The following SYDE2 variants were observed in gnomAD, a reference collection of about 807,000 sequenced individuals.
SYDE2 encodes the protein rho GTPase-activating protein SYDE2.
SYDE2 carries 76 observed loss-of-function variants against 91.5 expected under a neutral mutation model. That is an observed-to-expected ratio of 0.83 (90% CI 0.69 to 1.01). SYDE2 has a LOEUF of 1.01. Ranked by LOEUF, SYDE2 falls within the 50% of genes least tolerant of loss-of-function variation. The probability of loss-of-function intolerance (pLI) is 0.00; values close to 1 mark genes in which losing one functional copy is unlikely to be tolerated. For missense variants in SYDE2, 1,364 were observed against 1,367.7 expected (o/e 1.00, Z 0.04); for synonymous variants, 513 against 506.4 (o/e 1.01, Z -0.18).
At chr1:85,188,437 T>G (rs1159297270) in intron 2 of SYDE2, among the ~76,000 whole-genome samples, 2 of 152,232 alleles carry the variant, frequency 1.3e-5, no homozygotes, top group African/African-American at 4.8e-5. Context: ...CACATTGTTT[T>G]GGAACTTCCT....
intron 4 of SYDE2, among the ~76,000 whole-genome samples, chr1:85,176,293 TC>T (rs975493237): frequency 6.7e-6 from 1 of 149,214 alleles, no homozygotes; most frequent in African/African-American, 2.6e-5. Flanking sequence ...ATATGCCTCT[TC>T]CTATATAAAA....
chr1:85,160,247 T>G, intron 6 of SYDE2: 1 of 965,464 alleles, frequency 1.0e-6, no homozygotes. Flanking sequence ...AATGCTTGTT[T>G]GCTGTTGTAT....
downstream of SYDE2, chr1:85,152,570 CT>C (rs1467536782): frequency 5.3e-5 from 8 of 152,272 alleles, no homozygotes; most frequent in South Asian, 6.2e-4. Flanking sequence ...AGTACTTAGT[CT>C]TTTCCTAACA....
chr1:85,194,153 A>C (rs1658488989), intron 1 of SYDE2, among the ~76,000 whole-genome samples: 1 of 151,694 alleles, frequency 6.6e-6, no homozygotes, highest in South Asian at 2.1e-4. Flanking sequence ...TTGAGCAATT[A>C]TTTATAATTA....
intron 4 of SYDE2, 37 bp from the exon 5 acceptor site, chr1:85,169,262 C>T: frequency 6.6e-7 from 1 of 1,516,544 alleles, no homozygotes; most frequent in Non-Finnish European, 8.9e-7. Context: ...GGTGATTGGA[C>T]TGCAGAGTGA....
At chr1:85,159,338 C>A in intron 6 of SYDE2, 89 bp from the exon 7 acceptor site, 1 of 691,272 alleles carries the variant, frequency 1.4e-6, no homozygotes, top group Non-Finnish European at 2.6e-6. Context: ...ATTTAATCAT[C>A]AACTACAAAC....
chr1:85,184,464 C>T (rs559292517), intron 2 of SYDE2, among the ~76,000 whole-genome samples: 10 of 152,258 alleles, frequency 6.6e-5, no homozygotes, highest in Admixed American at 3.3e-4. Context: ...GGCACATCAA[C>T]GCAGTTAAAT....
intron 4 of SYDE2, among the ~76,000 whole-genome samples, chr1:85,176,360 T>C (rs1336938618): frequency 6.6e-6 from 1 of 152,096 alleles, no homozygotes; most frequent in Admixed American, 6.5e-5. Context: ...AAAGTGACAG[T>C]TTGTTTTATC....
intron 1 of SYDE2, among the ~76,000 whole-genome samples, chr1:85,193,687 C>T (rs569321081): frequency 5.4e-4 from 82 of 152,162 alleles, no homozygotes; most frequent in African/African-American, 2.0e-3. Context: ...ACAGTGGCAC[C>T]ATTATGGCTC....
At chr1:85,155,150 G>A (rs1656853169), downstream of SYDE2, among the ~76,000 whole-genome samples, 1 of 151,502 alleles carries the variant, frequency 6.6e-6, no homozygotes, top group Non-Finnish European at 1.5e-5. Flanking sequence ...TGATTAAGAA[G>A]CATAAAATGA....
chr1:85,186,635 C>G (rs1658152464), intron 2 of SYDE2, among the ~76,000 whole-genome samples: 1 of 151,802 alleles, frequency 6.6e-6, no homozygotes, highest in African/African-American at 2.4e-5. Flanking sequence ...CTACAGTAAC[C>G]AAAACAGCAT....
Position 85,157,821 on chromosome 1 carries a change from C to A in SYDE2, c.*929G>T, listed in dbSNP as rs1421680660. On this transcript the variant is annotated 3_prime_UTR_variant, in exon 7 of 7. Transcript: ENST00000341460. Reference sequence around the variant, plus strand: ...AAAAATACATGTGATTCTACAATAACCCCTCCCCCATCCTGATATCTATAC... The same window carrying A: ...AAAAATACATGTGATTCTACAATAAACCCTCCCCCATCCTGATATCTATAC... The A allele has an allele frequency of 2.0e-5, 3 of 151,984 alleles. No homozygotes were observed. The highest frequency in any genetic ancestry group is 2.1e-4 in the South Asian group (1 of 4,820). 9.4% of individuals were successfully genotyped at this position (151,984 alleles called of 1,614,324 possible).
At chr1:85,170,172 A>G (rs1014868430) in intron 4 of SYDE2, among the ~76,000 whole-genome samples, 48 of 144,470 alleles carry the variant, frequency 3.3e-4, no homozygotes, top group Non-Finnish European at 5.7e-4. Context: ...AGGCTGGAGT[A>G]CACTGGTAAC....
chr1:85,156,133 G>A (rs761114994), downstream of SYDE2, among the ~76,000 whole-genome samples: 1 of 152,176 alleles, frequency 6.6e-6, no homozygotes, highest in Non-Finnish European at 1.5e-5. Context: ...TAACCTCTAA[G>A]AGGTGAAATT....
In SYDE2 at chr1:85,182,876, A is replaced by C. The variant is rs369524733; in HGVS notation, c.1766T>G (p.Ile589Arg). Residue 589 changes from isoleucine to arginine, a missense_variant, in exon 3 of 7, where the codon ATA becomes AGA. Physicochemically the swap from Ile to Arg is moderately conservative, Grantham distance 97. Transcript: ENST00000341460. ...NTTTAAKRNVISRYHLDTSVS... is the reference protein window; with the variant it reads ...NTTTAAKRNVRSRYHLDTSVS... Reference sequence around the variant, plus strand: ...ACTGGTATCAAGATGGTATCGGCTTATAACATTCCTCTTAGCAGCGGTGGT... The same window carrying C: ...ACTGGTATCAAGATGGTATCGGCTTCTAACATTCCTCTTAGCAGCGGTGGT... 1 of 1,613,764 alleles carries C rather than the reference A, an allele frequency of 6.2e-7. No homozygotes were observed. Among genetic ancestry groups the C allele is most frequent in the Non-Finnish European group, 8.5e-7 (1 of 1,179,792 alleles).
In SYDE2 at chr1:85,190,416, T is replaced by A. The variant is rs1317622436; in HGVS notation, c.1082A>T (p.Glu361Val). The change falls in exon 2 of 7, where the codon GAA becomes GTA. Residue 361 changes from glutamate (E) to valine (V), a missense_variant. By Grantham distance (121) the Glu-to-Val change is moderately radical (BLOSUM62 -2). Transcript: ENST00000341460. Reference sequence around the variant, plus strand: ...TTCTCCTTCATCATCTGCATCATTTTCCTCATTAAAATCTAAAGCACAGTT... The same window carrying A: ...TTCTCCTTCATCATCTGCATCATTTACCTCATTAAAATCTAAAGCACAGTT... The part of the protein sequence containing the change: ...SKNCALDFNE[E>V]NDADDEGEIW... 1 of 1,613,752 alleles carries A rather than the reference T, an allele frequency of 6.2e-7. No individual in the cohort carries two copies. The highest frequency in any genetic ancestry group is 8.5e-7 in the Non-Finnish European group (1 of 1,179,832).
intron 6 of SYDE2, chr1:85,161,009 T>A (rs999396419): frequency 1.0e-6 from 1 of 981,042 alleles, no homozygotes. Flanking sequence ...ATCACTGACT[T>A]TTTAGACTAC....
At chr1:85,156,869 A>T (rs1656893694), downstream of SYDE2, 1 of 152,114 alleles carries the variant, frequency 6.6e-6, no homozygotes, top group Non-Finnish European at 1.5e-5. Flanking sequence ...TAACACGAAG[A>T]TTATAATATT....
chr1:85,182,024 T>G, intron 3 of SYDE2, 74 bp downstream of exon 3: 1 of 1,402,176 alleles, frequency 7.1e-7, no homozygotes, highest in Non-Finnish European at 9.5e-7. Flanking sequence ...TACATTACCT[T>G]GAATTTCTTC....
Sources: allele counts gnomAD v4.1 joint callset (sites outside exome capture counted in the v4.1 genomes callset), GRCh38; gene constraint gnomAD v4.1.1; transcripts MANE v1.5; gene names NCBI Gene and HGNC (gene_info 2026-07-23, HGNC 2026-07-21).